SHQ1: variants seen among roughly 807,000 people sequenced by gnomAD.
SHQ1 encodes protein SHQ1 homolog.
SHQ1 carries 49 observed loss-of-function variants against 53.8 expected under a neutral mutation model. That is an observed-to-expected ratio of 0.91 (90% CI 0.72 to 1.16). The LOEUF is 1.16. SHQ1 is among the 50% of genes most tolerant of loss of function. The pLI is 0.00. For synonymous variants in SHQ1, 243 were observed against 251.0 expected (o/e 0.97, Z 0.30); for missense variants, 738 against 683.1 (o/e 1.08, Z -0.90).
chr3:72,758,309 G>A (rs1236215737), intron 10 of SHQ1, among the ~76,000 whole-genome samples: 2 of 152,160 alleles, frequency 1.3e-5, no homozygotes, highest in Non-Finnish European at 2.9e-5. Context: ...AAGGAAGGCT[G>A]CAAGCTAAAG....
chr3:72,801,584 T>C (rs977189626), intron 9 of SHQ1, among the ~76,000 whole-genome samples: 12 of 152,140 alleles, frequency 7.9e-5, no homozygotes, highest in Non-Finnish European at 1.5e-5. Flanking sequence ...TTTGGTGATC[T>C]CAAGTACTGA....
intron 5 of SHQ1, among the ~76,000 whole-genome samples, chr3:72,828,799 A>G (rs1575729104): frequency 2.6e-5 from 4 of 152,332 alleles, no homozygotes; most frequent in Admixed American, 2.6e-4. Context: ...GTGAAGCTAC[A>G]GAGGTAGGCA....
chr3:72,799,886 C>G (rs1192747935), intron 9 of SHQ1, among the ~76,000 whole-genome samples: 1 of 152,110 alleles, frequency 6.6e-6, no homozygotes, highest in Non-Finnish European at 1.5e-5. Context: ...CTATCCAAGT[C>G]TCAAATCAGG....
chr3:72,749,362 A>G lies in SHQ1; in HGVS notation c.*922T>C, dbSNP rs1448744491. On this transcript the variant is annotated 3_prime_UTR_variant, in exon 11 of 11. Transcript: ENST00000325599. ...GTGTCCATCGATAGGTCAATGAACA[A>G]ATCTATTCAATGAAGCAGTACTCAG... is the stretch of plus-strand genomic sequence containing the variant. The G allele has an allele frequency of 8.7e-6, 2 of 228,970 alleles. No individual in the cohort carries two copies. The highest frequency in any genetic ancestry group is 1.7e-5 in the Non-Finnish European group (2 of 115,330). The allele number at this position is 228,970 out of a possible 1,614,324, so 14.2% of individuals were successfully genotyped here.
intron 9 of SHQ1, among the ~76,000 whole-genome samples, chr3:72,800,322 G>C (rs148517260): frequency 6.6e-6 from 1 of 152,140 alleles, no homozygotes; most frequent in East Asian, 1.9e-4. Flanking sequence ...CGAAACAGAC[G>C]TTAAGTAATT....
Position 72,848,436 on chromosome 3 carries a change from G to C in SHQ1, c.-96C>G, listed in dbSNP as rs1708432792. ...CAACTCCCCACGCGCAGGAACTCTC[G>C]GTGTGAGGGACGGAGCTTCCGGCTC... On this transcript the variant is annotated 5_prime_UTR_variant, in exon 1 of 11. Coordinates refer to ENST00000325599, the MANE Select transcript of SHQ1 (RefSeq NM_018130.3). 6.5e-7 allele frequency: 1 copy of C among 1,538,034 alleles called. No individual in the cohort carries two copies. Among genetic ancestry groups the C allele is most frequent in the East Asian group, 2.3e-5 (1 of 43,344 alleles).
intron 9 of SHQ1, among the ~76,000 whole-genome samples, chr3:72,796,101 CAA>C (rs555086403): frequency 6.2e-4 from 25 of 40,528 alleles, no homozygotes; most frequent in African/African-American, 1.5e-3. Context: ...GACTCCATCT[CAA>C]AAAAAAAAAA....
At chr3:72,825,562 A>G (rs1253330490) in intron 5 of SHQ1, among the ~76,000 whole-genome samples, 2 of 152,210 alleles carry the variant, frequency 1.3e-5, no homozygotes, top group East Asian at 1.9e-4. Flanking sequence ...AACTAGAAAA[A>G]TAACAGCCAC....
At chr3:72,824,402 T>C (rs1455346548) in intron 6 of SHQ1, 22 bp downstream of exon 6, 1 of 1,608,444 alleles carries the variant, frequency 6.2e-7, no homozygotes, top group African/African-American at 1.3e-5. Context: ...TGAAACAAAT[T>C]AGCCGAATTT....
At chr3:72,765,685 C>A (rs1375688724) in intron 10 of SHQ1, among the ~76,000 whole-genome samples, 1 of 151,272 alleles carries the variant, frequency 6.6e-6, no homozygotes, top group African/African-American at 2.4e-5. Context: ...TCCTGAGTGG[C>A]TGGGATTACA....
chr3:72,735,750 A>AAGGAAGGAAGGAAGGAAGGAAGGC, the SHQ1 span, among the ~76,000 whole-genome samples: 1 of 122,632 alleles, frequency 8.2e-6, no homozygotes, highest in African/African-American at 3.2e-5. Flanking sequence ...GGAAGGAAGG[A>AAGGAAGGAAGGAAGGAAGGAAGGC]AGGCAGGCAG....
At chr3:72,799,469 GA>G (rs1559677846) in intron 9 of SHQ1, among the ~76,000 whole-genome samples, 1 of 152,136 alleles carries the variant, frequency 6.6e-6, no homozygotes, top group Admixed American at 6.5e-5. Flanking sequence ...TAAATTAAGA[GA>G]ACCAAAGTGG....
At chr3:72,751,485 T>TGC (rs1705367739) in intron 10 of SHQ1, among the ~76,000 whole-genome samples, 1 of 104,846 alleles carries the variant, frequency 9.5e-6, no homozygotes, top group East Asian at 2.1e-4. Context: ...TATGTGTGTG[T>TGC]GTGTGTGTGT....
chr3:72,826,248 CAA>C (rs1707652484), intron 5 of SHQ1, among the ~76,000 whole-genome samples: 1 of 152,160 alleles, frequency 6.6e-6, no homozygotes, highest in Non-Finnish European at 1.5e-5. Context: ...ACATATGAGA[CAA>C]GGACAAAATA....
At chr3:72,775,208 G>C (rs1415784293) in intron 10 of SHQ1, among the ~76,000 whole-genome samples, 7 of 151,894 alleles carry the variant, frequency 4.6e-5, no homozygotes, top group Admixed American at 2.6e-4. Flanking sequence ...AAAACAAAGA[G>C]AGAGACAGCA....
At chr3:72,844,583 C>T (rs554813860) in intron 1 of SHQ1, 160 bp from the exon 2 acceptor site, 3 of 685,978 alleles carry the variant, frequency 4.4e-6, no homozygotes, top group African/African-American at 3.6e-5. Context: ...TAGATTCTTT[C>T]CCCAACCAAG....
chr3:72,769,045 G>T (rs748074578), intron 10 of SHQ1, among the ~76,000 whole-genome samples: 1 of 152,212 alleles, frequency 6.6e-6, no homozygotes, highest in African/African-American at 2.4e-5. Context: ...GGAAAAAAGT[G>T]CAGGTCCTTT....
rs745807243 is a variant in SHQ1 at position 72,846,298 on chromosome 3, C to CTTTT, written c.144-1879_144-1876dup. The CTTTT allele has an allele frequency of 1.1e-4, 151 of 1,423,896 alleles. No individual in the cohort carries two copies. In the African/African-American group the frequency reaches 1.9e-3, roughly 18 times the overall value. 88.2% of individuals were successfully genotyped at this position (1,423,896 alleles called of 1,614,324 possible). ...TCCTTGGTATAGCAAACTGTATGTT[C>CTTTT]TTTTTTTTTTTTTTTTTAGACAGTC... On this transcript the variant is annotated intron_variant, in intron 1 of 10. Coordinates refer to ENST00000325599, the MANE Select transcript of SHQ1 (RefSeq NM_018130.3).
At position 72,763,058 on chromosome 3, in the gene SHQ1, C is replaced by CAT. The variant is rs1553689138; in HGVS notation, c.1182-12223_1182-12222insAT. On this transcript the variant is annotated intron_variant, in intron 10 of 10. Transcript: ENST00000325599. ...ACACACACACACACACACACACACA[C>CAT]ACACAGAGAGAGAGAGAGAGAGAGA... Among the ~76,000 whole-genome samples, 469 of 134,694 alleles carry CAT rather than the reference C, an allele frequency of 3.5e-3. 5 individuals carry two copies. The highest frequency in any genetic ancestry group is 0.015 in the African/African-American group (431 of 28,752). The allele number at this position is 134,694 out of a possible 152,430, so 88.4% of individuals were successfully genotyped here. A position where few individuals can be genotyped will look rare whatever the true frequency, so the allele number is the denominator to read the frequency against.
Sources: gnomAD v4.1 joint callset for allele counts (sites outside exome capture counted in the v4.1 genomes callset) on GRCh38, gnomAD v4.1.1 for gene constraint, MANE v1.5 for transcripts, NCBI Gene and HGNC (gene_info 2026-07-23, HGNC 2026-07-21) for gene names.